HECA: variants seen among roughly 807,000 people sequenced by gnomAD.
HECA encodes the protein HECA ribonucleoprotein granule regulator, also known as headcase protein homolog.
Under a neutral mutation model 37.6 loss-of-function variants are expected in HECA, and 13 were observed. That is an observed-to-expected ratio of 0.35 (90% confidence interval 0.23 to 0.55). HECA has a LOEUF of 0.55. Among genes scored for constraint, HECA ranks in the 20% least tolerant of loss-of-function variants. The pLI is 0.90. For missense variants in HECA, 527 were observed against 701.9 expected (o/e 0.75, Z 2.82); for synonymous variants, 307 against 291.5 (o/e 1.05, Z -0.54).
chr6:139,167,424 T>G, intron 2 of HECA, 100 bp downstream of exon 2: 1 of 1,038,322 alleles, frequency 9.6e-7, no homozygotes, highest in Non-Finnish European at 1.4e-6. Context: ...ACCAGTGTTG[T>G]TTTTTTGTTC....
At position 139,135,428 on chromosome 6, in the gene HECA, G is replaced by T; in HGVS notation, c.32G>T (p.Arg11Leu). MPNPKNSKGG[R>L]KNKRANSSGD... Reference sequence around the variant, plus strand: ...AACCCCAAAAACAGCAAAGGCGGCCGCAAAAACAAGCGCGCCAACAGCAGC... The same window carrying T: ...AACCCCAAAAACAGCAAAGGCGGCCTCAAAAACAAGCGCGCCAACAGCAGC... The change falls in exon 1 of 4, where the codon CGC (arginine) becomes CTC (leucine). Residue 11 changes from arginine (R) to leucine (L), a missense_variant. Around this residue, in one of 4 missense-constraint regions of HECA, gnomAD observed 172 missense variants for 197.6 expected, o/e 0.87. Coordinates refer to ENST00000367658, the MANE Select transcript of HECA (RefSeq NM_016217.3). 1 of 1,381,936 alleles carries T rather than the reference G, an allele frequency of 7.2e-7. No individual in the cohort carries two copies. 85.6% of individuals were successfully genotyped at this position (1,381,936 alleles called of 1,614,324 possible).
In HECA at chr6:139,167,439, C is replaced by CAGGTGCT. The variant is rs540390271; in HGVS notation, c.1312+120_1312+126dup. 2,150 of 865,928 alleles carry CAGGTGCT rather than the reference C, an allele frequency of 2.5e-3. 77 individuals carry two copies. The South Asian group carries it at 0.037, about 15-fold the overall frequency. The allele number at this position is 865,928 out of a possible 1,614,324, so 53.6% of individuals were successfully genotyped here. A position where few individuals can be genotyped will look rare whatever the true frequency, so the allele number is the denominator to read the frequency against. ...ACCAGTGTTGTTTTTTTGTTCTAGTCAGGTGCTAGGTAACATTTGAATATT... is the reference window on the plus strand; with the variant it reads ...ACCAGTGTTGTTTTTTTGTTCTAGTCAGGTGCTAGGTGCTAGGTAACATTTGAATATT... On this transcript the variant is annotated intron_variant, in intron 2 of 3. Coordinates refer to ENST00000367658, the MANE Select transcript of HECA (RefSeq NM_016217.3).
chr6:139,142,833 A>C (rs1437973861), intron 1 of HECA, among the ~76,000 whole-genome samples: 1 of 152,186 alleles, frequency 6.6e-6, no homozygotes, highest in Non-Finnish European at 1.5e-5. Flanking sequence ...CTGTAATCTC[A>C]GCTACTCAGG....
At chr6:139,175,914 GAA>G (rs1299906998) in intron 3 of HECA, among the ~76,000 whole-genome samples, 1 of 152,172 alleles carries the variant, frequency 6.6e-6, no homozygotes, top group Admixed American at 6.5e-5. Context: ...TACTGAAATG[GAA>G]AATATGTTCG....
intron 2 of HECA, among the ~76,000 whole-genome samples, chr6:139,173,285 C>T (rs2114491191): frequency 6.6e-6 from 1 of 152,298 alleles, no homozygotes; most frequent in South Asian, 2.1e-4. Flanking sequence ...ACCCAACATA[C>T]ACTTATAAAG....
At chr6:139,143,747 G>C (rs1331417457) in intron 1 of HECA, among the ~76,000 whole-genome samples, 1 of 151,968 alleles carries the variant, frequency 6.6e-6, no homozygotes, top group Non-Finnish European at 1.5e-5. Context: ...TGTAATCCCA[G>C]CTACTCGGGA....
chr6:139,173,068 A>T (rs989792674), intron 2 of HECA, among the ~76,000 whole-genome samples: 1 of 152,084 alleles, frequency 6.6e-6, no homozygotes, highest in African/African-American at 2.4e-5. Context: ...TGCAAATGAA[A>T]TTTTTTCCAG....
intron 1 of HECA, among the ~76,000 whole-genome samples, chr6:139,161,310 G>GC (rs1479902156): frequency 6.6e-6 from 1 of 152,064 alleles, no homozygotes; most frequent in African/African-American, 2.4e-5. Context: ...CTTTGTATTT[G>GC]TTTTTGAAGC....
At chr6:139,168,457 C>A (rs1345689936) in intron 2 of HECA, among the ~76,000 whole-genome samples, 1 of 134,190 alleles carries the variant, frequency 7.5e-6, no homozygotes, top group Non-Finnish European at 1.6e-5. Context: ...TTGGCTAGTT[C>A]TCACTCTCCA....
At chr6:139,167,989 A>C (rs776760820) in intron 2 of HECA, among the ~76,000 whole-genome samples, 2 of 152,242 alleles carry the variant, frequency 1.3e-5, no homozygotes, top group African/African-American at 4.8e-5. Context: ...ACTTCCATAA[A>C]GATGAGACAC....
At chr6:139,137,828 A>G (rs568504975) in intron 1 of HECA, among the ~76,000 whole-genome samples, 68 of 152,192 alleles carry the variant, frequency 4.5e-4, no homozygotes, top group African/African-American at 1.5e-3. Context: ...ACTCAAGTAT[A>G]TTTAGCAGCA....
chr6:139,141,080 G>A (rs145111594), intron 1 of HECA, among the ~76,000 whole-genome samples: 87 of 152,212 alleles, frequency 5.7e-4, no homozygotes, highest in African/African-American at 2.1e-3. Flanking sequence ...GTGAGCCAGC[G>A]CGCCCGGCCC....
chr6:139,166,983 A>C lies in HECA; in HGVS notation c.971A>C (p.Tyr324Ser), dbSNP rs749661182. Reference sequence around the variant, plus strand: ...GTGTTCAGAAATGCCCACTTTGATTACAGCCCTGCGGGGTTGGCAGTTCAC... The same window carrying C: ...GTGTTCAGAAATGCCCACTTTGATTCCAGCCCTGCGGGGTTGGCAGTTCAC... ...GHVFRNAHFDYSPAGLAVHRG... is the reference protein window; with the variant it reads ...GHVFRNAHFDSSPAGLAVHRG... The change falls in exon 2 of 4, where the codon TAC (tyrosine) becomes TCC (serine). Residue 324 changes from tyrosine to serine, a missense_variant. Physicochemically the swap from Tyr to Ser is moderately radical, Grantham distance 144. Coordinates refer to ENST00000367658, the MANE Select transcript of HECA (RefSeq NM_016217.3). 2 of 1,614,226 alleles carry C rather than the reference A, an allele frequency of 1.2e-6. No homozygotes were observed. Among genetic ancestry groups the C allele is most frequent in the Non-Finnish European group, 1.7e-6 (2 of 1,180,034 alleles).
chr6:139,173,135 GGC>G (rs531724518), intron 2 of HECA, among the ~76,000 whole-genome samples: 2 of 152,208 alleles, frequency 1.3e-5, no homozygotes, highest in Non-Finnish European at 2.9e-5. Flanking sequence ...GAGTAGATGT[GGC>G]ATGTGAGACC....
At chr6:139,172,729 G>C (rs1159206639) in intron 2 of HECA, among the ~76,000 whole-genome samples, 1 of 152,202 alleles carries the variant, frequency 6.6e-6, no homozygotes, top group Non-Finnish European at 1.5e-5. Context: ...CGAGAGACAT[G>C]AATCAGTCTG....
Position 139,178,373 on chromosome 6 carries a change from T to TC in HECA, c.*1269dup, listed in dbSNP as rs1316856765. 3 of 152,134 alleles carry TC rather than the reference T, an allele frequency of 2.0e-5. No individual in the cohort carries two copies. The highest frequency in any genetic ancestry group is 7.2e-5 in the African/African-American group (3 of 41,442). 9.4% of individuals were successfully genotyped at this position (152,134 alleles called of 1,614,324 possible). A position where few individuals can be genotyped will look rare whatever the true frequency, so the allele number is the denominator to read the frequency against. ...CCTTATAGAATTGGAATATGATTTC[T>TC]CAAAAATTAATTTGATAATTTCATG... On this transcript the variant is annotated 3_prime_UTR_variant, in exon 4 of 4. Coordinates refer to ENST00000367658, the MANE Select transcript of HECA (RefSeq NM_016217.3).
intron 1 of HECA, among the ~76,000 whole-genome samples, chr6:139,152,418 ATGTGTG>A (rs56410451): frequency 7.5e-5 from 11 of 147,426 alleles, no homozygotes; most frequent in African/African-American, 1.0e-4. Context: ...GAAGCATTGG[ATGTGTG>A]TGTGTGTGTG....
At position 139,180,365 on chromosome 6, in the gene HECA, C is replaced by T. The variant is rs915907359; in HGVS notation, c.*3260C>T. The stretch of plus-strand genomic sequence containing the variant: ...AGTCCTGCAAGACTGATGCTTAATA[C>T]ACAGTCTGTTCTCCTGTGTCTAGGT... On this transcript the variant is annotated 3_prime_UTR_variant, in exon 4 of 4. Coordinates refer to ENST00000367658, the MANE Select transcript of HECA (RefSeq NM_016217.3). 1.5e-4 allele frequency: 23 copies of T among 152,612 alleles called. No homozygotes were observed. Among genetic ancestry groups the T allele is most frequent in the African/African-American group, 5.5e-4 (23 of 41,452 alleles). The allele number at this position is 152,612 out of a possible 1,614,324, so 9.5% of individuals were successfully genotyped here. A position where few individuals can be genotyped will look rare whatever the true frequency, so the allele number is the denominator to read the frequency against.
chr6:139,160,560 C>T (rs954921428), intron 1 of HECA, among the ~76,000 whole-genome samples: 1 of 152,162 alleles, frequency 6.6e-6, no homozygotes, highest in Non-Finnish European at 1.5e-5. Context: ...ACTATAGGCA[C>T]ATGCCACTGA....
Sources: allele counts gnomAD v4.1 joint callset (sites outside exome capture counted in the v4.1 genomes callset), GRCh38; gene constraint gnomAD v4.1.1; regional missense constraint gnomAD v4.1.1; transcripts MANE v1.5; gene names NCBI Gene and HGNC (gene_info 2026-07-23, HGNC 2026-07-21).